The following SHTN1 variants were observed in gnomAD, a reference collection of about 807,000 sequenced individuals.
SHTN1 encodes the protein shootin 1.
A neutral mutation model predicts 83.1 loss-of-function variants in SHTN1; 42 were observed. That is an observed-to-expected ratio of 0.51 (90% CI 0.39 to 0.65). The LOEUF (loss-of-function observed/expected upper bound fraction) is 0.65, where lower values mean the gene tolerates loss of function less well. Among genes scored for constraint, SHTN1 ranks in the 30% least tolerant of loss-of-function variants. The pLI, the probability that SHTN1 is intolerant of heterozygous loss-of-function variation, is 0.00. For missense variants in SHTN1, 622 were observed against 737.8 expected (o/e 0.84, Z 1.82); for synonymous variants, 224 against 247.7 (o/e 0.90, Z 0.90).
rs1051789042 is a variant in SHTN1, at chr10:117,078,211, A to C, written c.-188-29701T>G. ...CACGTCTTTGAAGAACTATAAGAGA[A>C]GGTGAAACATGGCTCTACCGGTATG... On this transcript the variant is annotated intron_variant, in intron 1 of 17. Coordinates refer to the SHTN1 transcript ENST00000392901. Among the ~76,000 whole-genome samples, 3 of 152,314 alleles carry C rather than the reference A, an allele frequency of 2.0e-5. No homozygotes were observed. In the East Asian group the frequency reaches 5.8e-4, roughly 29 times the overall value.
At chr10:117,078,543 C>T (rs1853198697) in intron 1 of SHTN1, among the ~76,000 whole-genome samples, 1 of 152,196 alleles carries the variant, frequency 6.6e-6, no homozygotes, top group African/African-American at 2.4e-5. Flanking sequence ...CATGCAGATG[C>T]TCCTGATGTT....
chr10:116,951,829 A>G lies in SHTN1; in HGVS notation c.534+80T>C. ...TTCTCATGTTAGAAATTGGCTTATA[A>G]TATTAAGTTCTTAACTTAGCAAATC... On this transcript the variant is annotated intron_variant, in intron 6 of 16. Transcript: ENST00000355371. The G allele has an allele frequency of 4.8e-6, 3 of 628,368 alleles. No individual in the cohort carries two copies. The South Asian group carries it at 1.0e-4, about 22-fold the overall frequency. The allele number at this position is 628,368 out of a possible 1,614,324, so 38.9% of individuals were successfully genotyped here. A position where few individuals can be genotyped will look rare whatever the true frequency, so the allele number is the denominator to read the frequency against.
intron 14 of SHTN1, chr10:116,911,373 G>A (rs1190880514): frequency 4.7e-6 from 6 of 1,278,702 alleles, no homozygotes; most frequent in Middle Eastern, 3.8e-4. Context: ...ACCCTGATAT[G>A]AAGCTATTTG....
chr10:117,045,317 G>A (rs376866930), intron 2 of SHTN1, among the ~76,000 whole-genome samples: 22 of 152,240 alleles, frequency 1.4e-4, no homozygotes, highest in African/African-American at 5.1e-4. Flanking sequence ...ATTTAAAAAT[G>A]ACTTGATCTT....
chr10:116,972,913 A>G (rs1850668802), intron 2 of SHTN1, among the ~76,000 whole-genome samples: 1 of 152,200 alleles, frequency 6.6e-6, no homozygotes, highest in Non-Finnish European at 1.5e-5. Context: ...AGCCCTTAAT[A>G]TTAGAAGCCC....
intron 12 of SHTN1, among the ~76,000 whole-genome samples, chr10:116,918,805 G>A (rs772640640): frequency 6.6e-6 from 1 of 152,138 alleles, no homozygotes; most frequent in Admixed American, 6.5e-5. Flanking sequence ...AAGGCACGGC[G>A]AAGTAAGAAA....
chr10:116,897,985 A>T (rs185479873), intron 16 of SHTN1, among the ~76,000 whole-genome samples: 32 of 152,246 alleles, frequency 2.1e-4, no homozygotes, highest in Non-Finnish European at 2.9e-4. Context: ...TAATTATTCT[A>T]TTGCCAGGTA....
At position 116,940,615 on chromosome 10, in the gene SHTN1, G is replaced by A. The variant is rs1849333371; in HGVS notation, c.712-3C>T. The A allele has an allele frequency of 6.3e-7, 1 of 1,596,398 alleles. No individual in the cohort carries two copies. Among genetic ancestry groups the A allele is most frequent in the Admixed American group, 1.7e-5 (1 of 58,060 alleles). ...AGCTTGTTTTGCTCAATGAACATCT[G>A]CAAAAGTTTGTTACAAGAATGTATA... On this transcript the variant is annotated splice_region_variant and splice_polypyrimidine_tract_variant and intron_variant, in intron 8 of 16. Transcript: ENST00000355371.
At chr10:117,095,611 T>C (rs1270485421) in intron 1 of SHTN1, among the ~76,000 whole-genome samples, 1 of 152,214 alleles carries the variant, frequency 6.6e-6, no homozygotes. Context: ...TGCGTACTAT[T>C]CTCTTCATCT....
chr10:116,925,745 G>A (rs1036711191), intron 11 of SHTN1, among the ~76,000 whole-genome samples: 55 of 152,116 alleles, frequency 3.6e-4, no homozygotes, highest in African/African-American at 1.3e-3. Flanking sequence ...AGTGACCAAG[G>A]TTTGCCTTCT....
At chr10:116,921,756 C>G (rs1006645783) in intron 11 of SHTN1, among the ~76,000 whole-genome samples, 2 of 152,014 alleles carry the variant, frequency 1.3e-5, no homozygotes, top group South Asian at 4.2e-4. Flanking sequence ...TAATAAAATG[C>G]ATACACACTT....
At chr10:117,074,763 TACA>T (rs1203752430) in intron 1 of SHTN1, among the ~76,000 whole-genome samples, 1 of 152,184 alleles carries the variant, frequency 6.6e-6, no homozygotes, top group Non-Finnish European at 1.5e-5. Context: ...TAGAAATTTT[TACA>T]ACACCTTGGA....
At chr10:116,921,045 C>T (rs1032524534) in intron 12 of SHTN1, among the ~76,000 whole-genome samples, 9 of 152,146 alleles carry the variant, frequency 5.9e-5, no homozygotes, top group African/African-American at 1.9e-4. Context: ...ACTTCTATAT[C>T]GTGTACCTCC....
chr10:116,947,510 T>C (rs990695677), intron 7 of SHTN1, among the ~76,000 whole-genome samples: 54 of 152,294 alleles, frequency 3.5e-4, no homozygotes, highest in Admixed American at 2.4e-3. Flanking sequence ...ATAAGAGTGG[T>C]GATTTTTTGG....
intron 4 of SHTN1, 106 bp downstream of exon 4, chr10:116,960,030 T>A (rs778085183): frequency 2.3e-5 from 15 of 647,418 alleles, no homozygotes; most frequent in Non-Finnish European, 3.6e-5. Flanking sequence ...TCAGAGTAGA[T>A]AATCGATTAG....
chr10:117,019,292 C>T (rs561425007), intron 2 of SHTN1, among the ~76,000 whole-genome samples: 11 of 151,884 alleles, frequency 7.2e-5, no homozygotes, highest in African/African-American at 2.4e-4. Flanking sequence ...CAAGTGATTC[C>T]ACCATCTCAG....
At chr10:116,960,465 T>C in intron 3 of SHTN1, 1 of 376,944 alleles carries the variant, frequency 2.7e-6, no homozygotes, top group African/African-American at 2.0e-5. Flanking sequence ...TACATTTTAT[T>C]ATGTACATTT....
At chr10:117,025,002 G>A (rs11197868) in intron 2 of SHTN1, among the ~76,000 whole-genome samples, 39,115 of 151,980 alleles carry the variant, frequency 0.26, 5,891 homozygotes, top group East Asian at 0.55. Flanking sequence ...CCTGGGACTC[G>A]GATGGAGCAA....
At chr10:117,122,244 T>G (rs1290610743) in intron 1 of SHTN1, among the ~76,000 whole-genome samples, 1 of 152,272 alleles carries the variant, frequency 6.6e-6, no homozygotes, top group African/African-American at 2.4e-5. Flanking sequence ...GCATGAACAC[T>G]GCTACTGCTC....
Sources: allele counts gnomAD v4.1 joint callset (sites outside exome capture counted in the v4.1 genomes callset), GRCh38; gene constraint gnomAD v4.1.1; transcripts MANE v1.5; gene names NCBI Gene and HGNC (gene_info 2026-07-23, HGNC 2026-07-21).